The following DOCK9 variants were observed in gnomAD, a reference collection of about 807,000 sequenced individuals.
DOCK9 encodes the protein dedicator of cytokinesis protein 9.
A neutral mutation model predicts 263.3 loss-of-function variants in DOCK9; 89 were observed. The ratio of observed to expected loss-of-function variants is 0.34; its 90% confidence interval spans 0.28 to 0.40. The LOEUF is 0.40. Among genes scored for constraint, DOCK9 ranks in the 10% least tolerant of loss-of-function variants. The pLI is 1.00. For synonymous variants in DOCK9, 976 were observed against 973.1 expected (o/e 1.00, Z -0.06); for missense variants, 2,140 against 2,603.4 (o/e 0.82, Z 3.87).
chr13:98,873,112 C>T (rs560581501), intron 27 of DOCK9, among the ~76,000 whole-genome samples: 2 of 152,318 alleles, frequency 1.3e-5, no homozygotes, highest in South Asian at 2.1e-4. Context: ...TCTTCTTAAC[C>T]TTGGGTCACA....
chr13:98,869,461 A>T (rs1268698976), intron 27 of DOCK9, among the ~76,000 whole-genome samples: 1 of 152,268 alleles, frequency 6.6e-6, no homozygotes, highest in African/African-American at 2.4e-5. Flanking sequence ...TTTCTGTTAC[A>T]TGAAGCTGCA....
At chr13:98,848,880 G>A (rs1418006341) in intron 36 of DOCK9, among the ~76,000 whole-genome samples, 1 of 152,150 alleles carries the variant, frequency 6.6e-6, no homozygotes, top group East Asian at 1.9e-4. Flanking sequence ...GTGGTGGCTG[G>A]CTAAAGCAAC....
intron 1 of DOCK9, among the ~76,000 whole-genome samples, chr13:99,028,869 T>G (rs1246699080): frequency 6.6e-6 from 1 of 152,184 alleles, no homozygotes; most frequent in African/African-American, 2.4e-5. Flanking sequence ...TTAAAATATG[T>G]TTAGGAGGAT....
chr13:98,909,258 AC>A (rs1264284879), intron 9 of DOCK9, among the ~76,000 whole-genome samples: 2 of 152,062 alleles, frequency 1.3e-5, no homozygotes, highest in African/African-American at 4.8e-5. Flanking sequence ...CATCCTGTAA[AC>A]CCTACATTCA....
Position 98,888,383 on chromosome 13 carries a change from C to T in DOCK9, c.1954G>A (p.Asp652Asn). ...LYVYPKYLKYDSQKSFAKARN... is the reference protein window; with the variant it reads ...LYVYPKYLKYNSQKSFAKARN... Reference sequence around the variant, plus strand: ...ACCTTGGCAAAAGACTTCTGACTGTCGTATTTCAAGTACTTAGGATAAACG... The same window carrying T: ...ACCTTGGCAAAAGACTTCTGACTGTTGTATTTCAAGTACTTAGGATAAACG... The change falls in exon 17 of 53, where the codon GAC becomes AAC. Residue 652 changes from aspartate to asparagine, a missense_variant. This residue lies in a region of DOCK9 where 1,521 missense variants were observed against 1,741.7 expected (regional missense o/e 0.87). Transcript: ENST00000682017. 6.2e-7 allele frequency: 1 copy of T among 1,613,368 alleles called. No individual in the cohort carries two copies. The highest frequency in any genetic ancestry group is 2.2e-5 in the East Asian group (1 of 44,880).
chr13:98,926,428 T>C (rs1050020285), intron 3 of DOCK9, among the ~76,000 whole-genome samples: 1 of 152,216 alleles, frequency 6.6e-6, no homozygotes, highest in Admixed American at 6.5e-5. Flanking sequence ...GGAAGAAACA[T>C]ATGCATTCCA....
chr13:99,084,333 G>C (rs117033374), intron 1 of DOCK9, among the ~76,000 whole-genome samples: 1 of 152,128 alleles, frequency 6.6e-6, no homozygotes, highest in Non-Finnish European at 1.5e-5. Context: ...TTCAGCCAGG[G>C]GCCCTCACAT....
chr13:98,867,384 C>A (rs554720693), intron 30 of DOCK9, 41 bp downstream of exon 30: 4 of 1,077,964 alleles, frequency 3.7e-6, no homozygotes, highest in East Asian at 2.4e-5. Flanking sequence ...AAATAAATGT[C>A]TCTGTTTGTG....
At chr13:98,898,659 A>G (rs1595105132) in intron 13 of DOCK9, among the ~76,000 whole-genome samples, 1 of 152,222 alleles carries the variant, frequency 6.6e-6, no homozygotes, top group East Asian at 1.9e-4. Context: ...TGAAATGAGA[A>G]CACTAATTAA....
At chr13:99,032,631 TATTA>T in intron 1 of DOCK9, among the ~76,000 whole-genome samples, 1 of 151,362 alleles carries the variant, frequency 6.6e-6, no homozygotes, top group Non-Finnish European at 1.5e-5. Flanking sequence ...GACATAAATT[TATTA>T]ATTTACATGA....
chr13:99,017,557 C>T (rs1336432592), intron 1 of DOCK9, among the ~76,000 whole-genome samples: 1 of 152,066 alleles, frequency 6.6e-6, no homozygotes, highest in East Asian at 1.9e-4. Flanking sequence ...TTAGAAATAA[C>T]CAAGCAAATT....
intron 1 of DOCK9, among the ~76,000 whole-genome samples, chr13:99,022,627 G>A (rs1886251914): frequency 1.3e-5 from 2 of 152,154 alleles, no homozygotes; most frequent in Admixed American, 1.3e-4. Context: ...TTTTCTGGTA[G>A]GAGATCAAGT....
intron 27 of DOCK9, among the ~76,000 whole-genome samples, chr13:98,875,165 G>A (rs1166825815): frequency 6.6e-6 from 1 of 152,148 alleles, no homozygotes; most frequent in African/African-American, 2.4e-5. Context: ...TTTCTCCAGT[G>A]ACTAGGTGAG....
chr13:98,811,657 C>T (rs1199067960), intron 45 of DOCK9, among the ~76,000 whole-genome samples: 1 of 152,228 alleles, frequency 6.6e-6, no homozygotes, highest in Non-Finnish European at 1.5e-5. Flanking sequence ...TGTGATTAGC[C>T]TCAGCCTCCA....
intron 49 of DOCK9, among the ~76,000 whole-genome samples, chr13:98,801,906 T>C (rs2090156346): frequency 6.6e-6 from 1 of 152,268 alleles, no homozygotes; most frequent in South Asian, 2.1e-4. Context: ...CACGTACTTA[T>C]AGGCCTGTTG....
Position 98,978,054 on chromosome 13 carries a change from C to G in DOCK9, c.-145G>C. 1 of 1,433,400 alleles carries G rather than the reference C, an allele frequency of 7.0e-7. No homozygotes were observed. Among genetic ancestry groups the G allele is most frequent in the Non-Finnish European group, 9.1e-7 (1 of 1,098,862 alleles). 88.8% of individuals were successfully genotyped at this position (1,433,400 alleles called of 1,614,324 possible). A position where few individuals can be genotyped will look rare whatever the true frequency, so the allele number is the denominator to read the frequency against. The stretch of plus-strand genomic sequence containing the variant: ...AAGTGGTCAGCCCCGCTGGCTGGGT[C>G]TGCAGAGCCTGTGGGGTGGGAAGGC... On this transcript the variant is annotated 5_prime_UTR_variant, in exon 1 of 53. Coordinates refer to ENST00000682017, the MANE Select transcript of DOCK9 (RefSeq NM_001366683.2).
Position 98,883,126 on chromosome 13 carries a change from C to A in DOCK9, c.2475G>T (p.Gln825His), listed in dbSNP as rs761720738. 5.2e-5 allele frequency: 84 copies of A among 1,613,112 alleles called. No homozygotes were observed. Among genetic ancestry groups the A allele is most frequent in the Non-Finnish European group, 6.8e-5 (80 of 1,179,522 alleles). ...HLVSTVYTQD[Q>H]HLHNFFQYCQ... ...AGTACTGGAAAAAATTATGTAAATG[C>A]TGATCCTGAGGTAGGGAAAAAGGAA... Residue 825 changes from glutamine (Q) to histidine (H), a missense_variant, in exon 23 of 53, where the codon CAG becomes CAT. Gln to His is a conservative substitution (Grantham distance 24, BLOSUM62 0). Around this residue, in one of 2 missense-constraint regions of DOCK9, gnomAD observed 1,521 missense variants for 1,741.7 expected, o/e 0.87. Transcript: ENST00000682017.
intron 2 of DOCK9, among the ~76,000 whole-genome samples, chr13:98,954,312 G>C (rs2057777732): frequency 6.6e-6 from 1 of 151,966 alleles, no homozygotes; most frequent in South Asian, 2.1e-4. Flanking sequence ...AGGTAGAGAA[G>C]TGTCCAACTA....
intron 38 of DOCK9, among the ~76,000 whole-genome samples, chr13:98,837,989 A>G (rs1046491788): frequency 2.0e-5 from 3 of 152,194 alleles, no homozygotes; most frequent in African/African-American, 7.2e-5. Context: ...AAGGCACAGA[A>G]AGGCTAAACT....
Sources: gnomAD v4.1 joint callset for allele counts (sites outside exome capture counted in the v4.1 genomes callset) on GRCh38, gnomAD v4.1.1 for gene constraint, gnomAD v4.1.1 regional missense constraint, MANE v1.5 for transcripts, NCBI Gene and HGNC (gene_info 2026-07-23, HGNC 2026-07-21) for gene names.